The following BCL7B variants were observed in gnomAD, a reference collection of about 807,000 sequenced individuals.
BCL7B encodes B-cell CLL/lymphoma 7 protein family member B.
A neutral mutation model predicts 26.5 loss-of-function variants in BCL7B; 11 were observed. The observed-to-expected ratio is 0.42, with a 90% confidence interval of 0.26 to 0.69. The LOEUF (loss-of-function observed/expected upper bound fraction) is 0.69. BCL7B is among the 30% of genes least tolerant of loss of function. The pLI is 0.28. For synonymous variants in BCL7B, 111 were observed against 107.9 expected (o/e 1.03, Z -0.18); for missense variants, 215 against 264.4 (o/e 0.81, Z 1.30).
intron 4 of BCL7B, chr7:73,539,632 TGAGA>T (rs1791675826): frequency 2.3e-6 from 1 of 443,410 alleles, no homozygotes; most frequent in Non-Finnish European, 4.1e-6. Context: ...ACAGGATTTT[TGAGA>T]GAATTATAGC....
rs782795061 is a variant in BCL7B, at chr7:73,540,021, G to A, written c.297C>T (p.Asp99=). 23 of 1,613,876 alleles carry A rather than the reference G, an allele frequency of 1.4e-5. No individual in the cohort carries two copies. The highest frequency in any genetic ancestry group is 6.7e-5 in the Admixed American group (4 of 59,938). Residue 99 remains aspartate (D), a synonymous_variant, in exon 4 of 6, where the codon GAC becomes GAT. Coordinates refer to ENST00000223368, the MANE Select transcript of BCL7B (RefSeq NM_001707.4). Reference sequence around the variant, plus strand: ...TGCTGTCCACCTTAAGCTGATAGACGTCAGACACGGAACTCTGGTTGCTGT... The same window carrying A: ...TGCTGTCCACCTTAAGCTGATAGACATCAGACACGGAACTCTGGTTGCTGT... ...DENSNQSSVS[D]VYQLKVDSST... is the part of the protein sequence containing the mutation.
At chr7:73,542,687 G>A (rs1266652337) in intron 3 of BCL7B, 4 of 191,018 alleles carry the variant, frequency 2.1e-5, no homozygotes, top group Non-Finnish European at 4.6e-5. Flanking sequence ...TCATGACTAC[G>A]GTGATGATCC....
intron 1 of BCL7B, among the ~76,000 whole-genome samples, chr7:73,554,243 G>A (rs1792281781): frequency 6.6e-6 from 1 of 151,816 alleles, no homozygotes; most frequent in Admixed American, 6.6e-5. Flanking sequence ...GATTACAGGT[G>A]TGAGCCACCG....
chr7:73,543,435 C>A, intron 3 of BCL7B, 113 bp downstream of exon 3: 2 of 974,370 alleles, frequency 2.1e-6, no homozygotes, highest in Non-Finnish European at 3.2e-6. Context: ...GCCTCAGACT[C>A]CCAAAGTGCT....
intron 3 of BCL7B, among the ~76,000 whole-genome samples, chr7:73,542,011 G>A (rs1384241005): frequency 3.3e-5 from 5 of 152,128 alleles, no homozygotes; most frequent in Middle Eastern, 3.2e-3. Flanking sequence ...CACTTCTTCC[G>A]CGGAGCCCTA....
chr7:73,544,889 T>C (rs1376772420), intron 2 of BCL7B, among the ~76,000 whole-genome samples: 2 of 150,830 alleles, frequency 1.3e-5, no homozygotes, highest in East Asian at 2.0e-4. Context: ...TAAGACCCCA[T>C]CTCTACAAAA....
intron 2 of BCL7B, among the ~76,000 whole-genome samples, chr7:73,547,972 A>G (rs1268437129): frequency 6.6e-5 from 10 of 152,010 alleles, no homozygotes; most frequent in Admixed American, 5.3e-4. Context: ...TACAAAAATT[A>G]GGCTGGGTGT....
chr7:73,551,532 G>A (rs542803895), intron 2 of BCL7B, among the ~76,000 whole-genome samples: 9 of 151,990 alleles, frequency 5.9e-5, no homozygotes, highest in South Asian at 2.1e-4. Context: ...TCGAACTCCC[G>A]ACCTCAAGTG....
At chr7:73,537,503 C>CTGGG in intron 5 of BCL7B, 113 bp from the exon 6 acceptor site, 1 of 758,862 alleles carries the variant, frequency 1.3e-6, no homozygotes. Flanking sequence ...GATGATCAAA[C>CTGGG]ATCCTCCCCT....
chr7:73,552,412 C>A (rs1273337675), intron 1 of BCL7B, among the ~76,000 whole-genome samples, 170 bp from the exon 2 acceptor site: 1 of 151,958 alleles, frequency 6.6e-6, no homozygotes, highest in Non-Finnish European at 1.5e-5. Flanking sequence ...CTTTGAGAGG[C>A]TGAGGCAGGA....
intron 2 of BCL7B, among the ~76,000 whole-genome samples, chr7:73,551,498 T>G (rs1434774964): frequency 6.6e-6 from 1 of 152,034 alleles, no homozygotes; most frequent in Non-Finnish European, 1.5e-5. Flanking sequence ...AGACAGGGGT[T>G]GCACTATGTT....
At chr7:73,541,944 C>G (rs1350375794) in intron 3 of BCL7B, among the ~76,000 whole-genome samples, 1 of 152,188 alleles carries the variant, frequency 6.6e-6, no homozygotes, top group African/African-American at 2.4e-5. Context: ...TGTTCCTTGG[C>G]TAGGCTGCCT....
chr7:73,544,239 T>A (rs1791876220), intron 2 of BCL7B, among the ~76,000 whole-genome samples: 2 of 151,792 alleles, frequency 1.3e-5, no homozygotes, highest in Admixed American at 1.3e-4. Context: ...TGGCCAACAT[T>A]GTGAAACCCT....
intron 3 of BCL7B, among the ~76,000 whole-genome samples, chr7:73,541,934 T>C (rs1791785050): frequency 6.6e-6 from 1 of 152,204 alleles, no homozygotes. Flanking sequence ...TCTGCCCAGC[T>C]GTTCCTTGGC....
chr7:73,543,314 T>C (rs1348133372), intron 3 of BCL7B, among the ~76,000 whole-genome samples: 3 of 151,920 alleles, frequency 2.0e-5, no homozygotes, highest in African/African-American at 7.3e-5. Flanking sequence ...GTAGCTGGGA[T>C]TACAGGCACG....
rs1339548419 is a variant in BCL7B, at chr7:73,537,235, C to T, written c.*63G>A. On this transcript the variant is annotated 3_prime_UTR_variant, in exon 6 of 6. Transcript: ENST00000223368. ...GCTTGCCCTTACCCCAGCAACGCGG[C>T]GCGGCCAGAACCAGAATGCAATAAA... 4.5e-6 allele frequency: 7 copies of T among 1,539,760 alleles called. No individual in the cohort carries two copies. Among genetic ancestry groups the T allele is most frequent in the East Asian group, 4.5e-5 (2 of 44,334 alleles).
intron 1 of BCL7B, 30 bp downstream of exon 1, chr7:73,557,457 C>G (rs1407934653): frequency 3.1e-5 from 41 of 1,331,532 alleles, no homozygotes; most frequent in Non-Finnish European, 3.9e-5. Flanking sequence ...TCCGCGACCC[C>G]CGCCAGCCCC....
rs1554584261 is a variant in BCL7B, at chr7:73,552,321, C to T, written c.93-79G>A. 38 of 1,143,944 alleles carry T rather than the reference C, an allele frequency of 3.3e-5. 1 individual carries two copies. Among genetic ancestry groups the T allele is most frequent in the South Asian group, 3.2e-4 (25 of 78,080 alleles). The allele number at this position is 1,143,944 out of a possible 1,614,324, so 70.9% of individuals were successfully genotyped here. Reference sequence around the variant, plus strand: ...TCATCACTTGTGTTTTTCTACTACTCAGCAGATCATTCCTTCAATCTGGAA... The same window carrying T: ...TCATCACTTGTGTTTTTCTACTACTTAGCAGATCATTCCTTCAATCTGGAA... On this transcript the variant is annotated intron_variant, in intron 1 of 5. Transcript: ENST00000223368.
intron 2 of BCL7B, among the ~76,000 whole-genome samples, chr7:73,544,291 T>C (rs1791878078): frequency 6.6e-6 from 1 of 152,062 alleles, no homozygotes; most frequent in African/African-American, 2.4e-5. Context: ...TGTGGTGGCA[T>C]GTGCCTGTAA....
Sources: allele counts gnomAD v4.1 joint callset (sites outside exome capture counted in the v4.1 genomes callset), GRCh38; gene constraint gnomAD v4.1.1; transcripts MANE v1.5; gene names NCBI Gene and HGNC (gene_info 2026-07-23, HGNC 2026-07-21).